XRN2: variants seen among roughly 807,000 people sequenced by gnomAD.
XRN2 encodes the protein DHM1-like protein.
XRN2 carries 44 observed loss-of-function variants against 138.5 expected under a neutral mutation model. That is an observed-to-expected ratio of 0.32 (90% confidence interval 0.25 to 0.41). The LOEUF (loss-of-function observed/expected upper bound fraction) is 0.41. XRN2 is among the 10% of genes least tolerant of loss of function. The pLI, the probability that XRN2 is intolerant of heterozygous loss-of-function variation, is 1.00. For synonymous variants in XRN2, 354 were observed against 369.4 expected (o/e 0.96, Z 0.48); for missense variants, 937 against 1,169.3 (o/e 0.80, Z 2.90).
At chr20:21,332,927 A>G (rs2038232902) in intron 9 of XRN2, among the ~76,000 whole-genome samples, 1 of 152,050 alleles carries the variant, frequency 6.6e-6, no homozygotes, top group African/African-American at 2.4e-5. Flanking sequence ...CCCACTTTTT[A>G]TGTATTTTAG....
At chr20:21,304,344 TCTG>T (rs917222190) in intron 1 of XRN2, among the ~76,000 whole-genome samples, 22 of 149,928 alleles carry the variant, frequency 1.5e-4, no homozygotes, top group African/African-American at 3.7e-4. Context: ...TGAACTTATT[TCTG>T]CTTTTTTTTT....
intron 20 of XRN2, among the ~76,000 whole-genome samples, chr20:21,353,521 T>A (rs951297189): frequency 1.3e-5 from 2 of 151,586 alleles, no homozygotes; most frequent in Non-Finnish European, 2.9e-5. Flanking sequence ...TCAGGTGCAG[T>A]GGCTCATGCT....
chr20:21,365,388 C>G (rs763393662), intron 24 of XRN2, 33 bp from the exon 25 acceptor site: 2 of 1,598,504 alleles, frequency 1.3e-6, no homozygotes, highest in South Asian at 2.2e-5. Context: ...CTGATATAAT[C>G]AGATCATTGA....
chr20:21,359,567 C>T (rs1333894656), intron 24 of XRN2, among the ~76,000 whole-genome samples: 1 of 151,764 alleles, frequency 6.6e-6, no homozygotes, highest in Non-Finnish European at 1.5e-5. Context: ...GATCTAAATG[C>T]ATATTCAGGT....
intron 1 of XRN2, among the ~76,000 whole-genome samples, chr20:21,315,975 G>A (rs1480625265): frequency 1.3e-5 from 2 of 152,134 alleles, no homozygotes; most frequent in South Asian, 2.1e-4. Context: ...AATTTTGTCC[G>A]GTTGTGGTGA....
intron 1 of XRN2, chr20:21,303,687 C>T: frequency 1.5e-6 from 2 of 1,321,844 alleles, no homozygotes; most frequent in Non-Finnish European, 1.9e-6. Flanking sequence ...CTCGGCGGGG[C>T]AAGGGCCTAT....
At chr20:21,374,725 A>G (rs543274656) in intron 27 of XRN2, among the ~76,000 whole-genome samples, 3 of 152,174 alleles carry the variant, frequency 2.0e-5, no homozygotes, top group Admixed American at 6.5e-5. Context: ...GATTTTTAAA[A>G]TCTATGTATT....
At chr20:21,377,167 T>A (rs2038831687) in intron 27 of XRN2, among the ~76,000 whole-genome samples, 1 of 151,582 alleles carries the variant, frequency 6.6e-6, no homozygotes, top group Non-Finnish European at 1.5e-5. Context: ...TAAAGTATGA[T>A]AAGTTCAGGC....
chr20:21,333,430 T>G (rs1222973913), intron 9 of XRN2, 114 bp from the exon 10 acceptor site: 2 of 1,062,954 alleles, frequency 1.9e-6, no homozygotes, highest in African/African-American at 3.2e-5. Context: ...AAAAATTAAA[T>G]ACTTGTGATA....
At chr20:21,325,803 A>G (rs1414151499) in intron 1 of XRN2, among the ~76,000 whole-genome samples, 3 of 152,234 alleles carry the variant, frequency 2.0e-5, no homozygotes, top group Non-Finnish European at 4.4e-5. Context: ...CTGACAATGC[A>G]GAAAGTGAGC....
chr20:21,333,619 G>A lies in XRN2; in HGVS notation c.933+1G>A, dbSNP rs1267518903. 1.2e-6 allele frequency: 2 copies of A among 1,613,804 alleles called. No individual in the cohort carries two copies. Among genetic ancestry groups the A allele is most frequent in the East Asian group, 2.2e-5 (1 of 44,850 alleles). ...CCTTCGGCTTAATGTTCTTCGTGAG[G>A]TATGTAGCAATAATCATTGAAATCA... On this transcript the variant is annotated splice_donor_variant, in intron 10 of 29. Coordinates refer to ENST00000377191, the MANE Select transcript of XRN2 (RefSeq NM_012255.5). LOFTEE classifies it high-confidence loss of function.
chr20:21,330,378 T>G, intron 4 of XRN2, 103 bp from the exon 5 acceptor site: 6 of 1,189,114 alleles, frequency 5.0e-6, no homozygotes, highest in Non-Finnish European at 7.0e-6. Context: ...GAGACTTCAC[T>G]TTCTTTTGTA....
At chr20:21,350,395 G>C (rs202852) in intron 20 of XRN2, among the ~76,000 whole-genome samples, 2 of 151,634 alleles carry the variant, frequency 1.3e-5, no homozygotes, top group Admixed American at 6.6e-5. Flanking sequence ...GTGTGGTGGC[G>C]GGCGCCTGTA....
chr20:21,356,254 A>G, intron 22 of XRN2, 77 bp downstream of exon 22: 2 of 1,125,708 alleles, frequency 1.8e-6, no homozygotes, highest in South Asian at 1.5e-5. Flanking sequence ...AAAATTTACC[A>G]TTATAACCAT....
intron 28 of XRN2, among the ~76,000 whole-genome samples, chr20:21,385,594 T>C (rs960589715): frequency 1.3e-5 from 2 of 152,222 alleles, no homozygotes; most frequent in African/African-American, 4.8e-5. Flanking sequence ...ACTTTAGCCT[T>C]TCTAGAGTTC....
At chr20:21,329,856 GGT>G (rs60020864) in intron 4 of XRN2, among the ~76,000 whole-genome samples, 14,760 of 145,802 alleles carry the variant, frequency 0.1, 842 homozygotes, top group African/African-American at 0.17. Flanking sequence ...GCCTCTAACT[GGT>G]GTGTGTGTGT....
chr20:21,351,235 A>G (rs1220709530), intron 20 of XRN2, among the ~76,000 whole-genome samples: 1 of 152,204 alleles, frequency 6.6e-6, no homozygotes, highest in Non-Finnish European at 1.5e-5. Flanking sequence ...ACAAGAGTTC[A>G]GATTTCTTCA....
intron 22 of XRN2, 82 bp from the exon 23 acceptor site, chr20:21,356,504 G>A (rs1483998801): frequency 1.1e-5 from 14 of 1,249,310 alleles, no homozygotes; most frequent in Admixed American, 1.1e-4. Flanking sequence ...TATGAATGAT[G>A]CTGCTATGAA....
intron 7 of XRN2, 41 bp downstream of exon 7, chr20:21,331,674 T>C: frequency 6.2e-7 from 1 of 1,600,972 alleles, no homozygotes; most frequent in Non-Finnish European, 8.5e-7. Context: ...TGTTCTATTT[T>C]TAAAAAGCCA....
Sources: allele counts gnomAD v4.1 joint callset (sites outside exome capture counted in the v4.1 genomes callset), GRCh38; gene constraint gnomAD v4.1.1; transcripts MANE v1.5; gene names NCBI Gene and HGNC (gene_info 2026-07-23, HGNC 2026-07-21).